SH3RF3: variants seen among roughly 807,000 people sequenced by gnomAD.
The protein encoded by SH3RF3 is SH3 domain containing ring finger 3, also known as E3 ubiquitin-protein ligase SH3RF3.
A neutral mutation model predicts 66.3 loss-of-function variants in SH3RF3; 29 were observed. The ratio of observed to expected loss-of-function variants is 0.44; its 90% confidence interval spans 0.33 to 0.60. The LOEUF is 0.60. Among genes scored for constraint, SH3RF3 ranks in the 20% least tolerant of loss-of-function variants. SH3RF3 has a pLI of 0.04. For synonymous variants in SH3RF3, 583 were observed against 532.0 expected, an observed-to-expected ratio of 1.10 and a Z score of -1.32; for missense variants, 1,194 against 1,190.9, an observed-to-expected ratio of 1.00 and a Z score of -0.04.
chr2:109,454,163 A>G (rs1483230768), intron 8 of SH3RF3, among the ~76,000 whole-genome samples: 2 of 152,254 alleles, frequency 1.3e-5, no homozygotes, highest in Non-Finnish European at 2.9e-5. Context: ...ACATTCACAC[A>G]GACATATTCA....
intron 1 of SH3RF3, among the ~76,000 whole-genome samples, chr2:109,145,707 C>T (rs1044051961): frequency 4.6e-5 from 7 of 152,204 alleles, no homozygotes; most frequent in Admixed American, 3.9e-4. Flanking sequence ...TGGGTGTTCT[C>T]ACAGGTCAGG....
intron 8 of SH3RF3, among the ~76,000 whole-genome samples, chr2:109,485,260 C>T (rs1678938989): frequency 6.6e-6 from 1 of 152,232 alleles, no homozygotes; most frequent in Admixed American, 6.5e-5. Context: ...CACCTGTCTC[C>T]ACATGGCTTA....
intron 1 of SH3RF3, among the ~76,000 whole-genome samples, chr2:109,233,311 G>C (rs767584774): frequency 1.3e-5 from 2 of 152,196 alleles, no homozygotes; most frequent in Non-Finnish European, 2.9e-5. Flanking sequence ...CTCTCAGTGG[G>C]TTGGGGACCT....
chr2:109,307,817 C>G (rs1033649074), intron 1 of SH3RF3, among the ~76,000 whole-genome samples: 2 of 143,772 alleles, frequency 1.4e-5, no homozygotes, highest in African/African-American at 2.7e-5. Context: ...TTAATCCAGT[C>G]TATCATTGTT....
At chr2:109,221,312 G>T (rs1679234057) in intron 1 of SH3RF3, among the ~76,000 whole-genome samples, 1 of 151,174 alleles carries the variant, frequency 6.6e-6, no homozygotes, top group African/African-American at 2.4e-5. Flanking sequence ...GCTGGGCCAG[G>T]TGACTCACGG....
At chr2:109,138,404 G>C (rs1043716006) in intron 1 of SH3RF3, among the ~76,000 whole-genome samples, 1 of 152,204 alleles carries the variant, frequency 6.6e-6, no homozygotes, top group Non-Finnish European at 1.5e-5. Context: ...AAAACAAAAG[G>C]CTTGGGAGTT....
At chr2:109,413,198 T>G (rs952351432) in intron 4 of SH3RF3, among the ~76,000 whole-genome samples, 1 of 152,236 alleles carries the variant, frequency 6.6e-6, no homozygotes, top group African/African-American at 2.4e-5. Context: ...CACTGCAACC[T>G]CCGCCTCATG....
At chr2:109,200,484 T>C (rs1293706453) in intron 1 of SH3RF3, among the ~76,000 whole-genome samples, 1 of 152,170 alleles carries the variant, frequency 6.6e-6, no homozygotes, top group African/African-American at 2.4e-5. Flanking sequence ...TGTAGTCCCC[T>C]GTGTCCTGCT....
At chr2:109,434,654 C>T (rs1033945745) in intron 6 of SH3RF3, among the ~76,000 whole-genome samples, 5 of 152,192 alleles carry the variant, frequency 3.3e-5, no homozygotes, top group Non-Finnish European at 5.9e-5. Flanking sequence ...GCCTGGAGGC[C>T]CTCATCCTTG....
At chr2:109,215,414 C>T (rs957079182) in intron 1 of SH3RF3, among the ~76,000 whole-genome samples, 1 of 146,732 alleles carries the variant, frequency 6.8e-6, no homozygotes, top group Admixed American at 6.8e-5. Flanking sequence ...AACTCAGATG[C>T]TTTGTAAAAT....
chr2:109,489,574 G>T (rs543630200), intron 8 of SH3RF3, among the ~76,000 whole-genome samples: 1 of 152,326 alleles, frequency 6.6e-6, no homozygotes, highest in Admixed American at 6.5e-5. Context: ...CTTGGCCAGG[G>T]TCCCGTGACA....
At chr2:109,308,097 T>A (rs1356387906) in intron 1 of SH3RF3, among the ~76,000 whole-genome samples, 2 of 146,000 alleles carry the variant, frequency 1.4e-5, no homozygotes, top group Non-Finnish European at 3.0e-5. Context: ...GTTTCCTGAC[T>A]TTTTAATGAT....
intron 2 of SH3RF3, among the ~76,000 whole-genome samples, chr2:109,348,280 G>C (rs1682762612): frequency 6.6e-6 from 1 of 152,224 alleles, no homozygotes; most frequent in African/African-American, 2.4e-5. Context: ...CGCTGACCCA[G>C]GTGCAGCAGA....
chr2:109,163,737 G>T (rs1326469309), intron 1 of SH3RF3, among the ~76,000 whole-genome samples: 2 of 152,174 alleles, frequency 1.3e-5, no homozygotes, highest in African/African-American at 4.8e-5. Flanking sequence ...CGATTCCACA[G>T]TGAGTAACTG....
At chr2:109,338,586 C>T (rs925700492) in intron 1 of SH3RF3, among the ~76,000 whole-genome samples, 1 of 152,156 alleles carries the variant, frequency 6.6e-6, no homozygotes, top group African/African-American at 2.4e-5. Context: ...GAGACAGAAC[C>T]TCACTCTGTT....
intron 4 of SH3RF3, among the ~76,000 whole-genome samples, chr2:109,416,529 C>G (rs942150180): frequency 1.3e-5 from 2 of 152,064 alleles, no homozygotes; most frequent in Non-Finnish European, 2.9e-5. Context: ...GGATTACAGG[C>G]GTGCGCCATC....
At chr2:109,232,902 G>C (rs1208019995) in intron 1 of SH3RF3, among the ~76,000 whole-genome samples, 2 of 152,114 alleles carry the variant, frequency 1.3e-5, no homozygotes, top group Non-Finnish European at 2.9e-5. Flanking sequence ...TGTGAGTTTT[G>C]ACAAACAACT....
intron 1 of SH3RF3, chr2:109,251,509 A>G (rs542429258): frequency 1.3e-6 from 1 of 741,316 alleles, no homozygotes; most frequent in African/African-American, 1.7e-5. Flanking sequence ...TGTCCAAGGA[A>G]TATTGTGGTC....
intron 1 of SH3RF3, among the ~76,000 whole-genome samples, chr2:109,276,947 A>G (rs1680771508): frequency 1.3e-5 from 2 of 152,156 alleles, no homozygotes; most frequent in South Asian, 4.1e-4. Flanking sequence ...TAAGAAGGGG[A>G]GTCCTGAGCT....
Sources: allele counts gnomAD v4.1 joint callset (sites outside exome capture counted in the v4.1 genomes callset), GRCh38; gene constraint gnomAD v4.1.1; transcripts MANE v1.5; gene names NCBI Gene and HGNC (gene_info 2026-07-23, HGNC 2026-07-21).